STX8: variants seen among roughly 807,000 people sequenced by gnomAD.
STX8 encodes the protein syntaxin 8.
In STX8, 23 loss-of-function variants were observed where a neutral mutation model predicts 37.5. That is an observed-to-expected ratio of 0.61 (90% confidence interval 0.44 to 0.87). The LOEUF is 0.87. STX8 is among the 40% of genes least tolerant of loss of function. STX8 has a pLI of 0.00. For missense variants in STX8, 313 were observed against 284.7 expected, an observed-to-expected ratio of 1.10 and a Z score of -0.71; for synonymous variants, 115 against 99.1, an observed-to-expected ratio of 1.16 and a Z score of -0.95.
intron 7 of STX8, among the ~76,000 whole-genome samples, chr17:9,285,732 T>C (rs543993921): frequency 9.5e-4 from 144 of 152,192 alleles, no homozygotes; most frequent in Non-Finnish European, 1.6e-3. Context: ...TGCCTGAAAA[T>C]TGCAAATGAA....
chr17:9,498,363 C>T (rs1439040660), intron 5 of STX8, among the ~76,000 whole-genome samples: 5 of 149,682 alleles, frequency 3.3e-5, no homozygotes, highest in African/African-American at 1.2e-4. Flanking sequence ...GCACTCCAGC[C>T]TGGGTGACAG....
At chr17:9,350,081 T>C (rs116170276) in intron 7 of STX8, among the ~76,000 whole-genome samples, 121 of 152,310 alleles carry the variant, frequency 7.9e-4, no homozygotes, top group African/African-American at 2.8e-3. Flanking sequence ...CCTGGCAATA[T>C]GTCAGAAGCA....
rs1370589290 is a variant in STX8, at chr17:9,274,744, CTTTTTTCTTT to C, written c.644-24109_644-24100del. ...AAAGTCTTCAAAAATACAACAATTT[CTTTTTTCTTT>C]TTTTTTTTTTTTTTTGAGACGGAGT... On this transcript the variant is annotated intron_variant, in intron 7 of 7. Coordinates refer to ENST00000306357, the MANE Select transcript of STX8 (RefSeq NM_004853.3). Among the ~76,000 whole-genome samples the C allele has an allele frequency of 3.4e-5, 3 of 88,884 alleles. 1 individual carries two copies. Among genetic ancestry groups the C allele is most frequent in the Non-Finnish European group, 6.8e-5 (3 of 44,070 alleles). 58.3% of individuals were successfully genotyped at this position (88,884 alleles called of 152,430 possible). A position where few individuals can be genotyped will look rare whatever the true frequency, so the allele number is the denominator to read the frequency against.
chr17:9,535,409 G>C (rs1241730982), intron 4 of STX8, among the ~76,000 whole-genome samples: 2 of 124,338 alleles, frequency 1.6e-5, no homozygotes, highest in Non-Finnish European at 3.4e-5. Flanking sequence ...CATACCCTCT[G>C]ACCCAGCCAT....
chr17:9,407,530 C>G (rs950129174), intron 6 of STX8, among the ~76,000 whole-genome samples: 12 of 152,144 alleles, frequency 7.9e-5, no homozygotes, highest in Non-Finnish European at 1.5e-4. Context: ...GTGTCACAGC[C>G]CTCAGGAGAT....
intron 7 of STX8, among the ~76,000 whole-genome samples, chr17:9,292,659 T>C (rs1200969997): frequency 6.6e-6 from 1 of 152,250 alleles, no homozygotes; most frequent in African/African-American, 2.4e-5. Context: ...CTTTCTTTAC[T>C]TTGGCATTGA....
chr17:9,326,535 T>C (rs754327792), intron 7 of STX8, among the ~76,000 whole-genome samples: 2 of 152,236 alleles, frequency 1.3e-5, no homozygotes, highest in Non-Finnish European at 2.9e-5. Flanking sequence ...AGATGGTTTC[T>C]GTTGCTCATA....
At chr17:9,338,567 C>T (rs1415263375) in intron 7 of STX8, among the ~76,000 whole-genome samples, 7 of 152,128 alleles carry the variant, frequency 4.6e-5, no homozygotes, top group African/African-American at 1.7e-4. Flanking sequence ...TGTGGATGGA[C>T]CACTCACATG....
chr17:9,429,747 T>C (rs1597665977), intron 6 of STX8, among the ~76,000 whole-genome samples: 1 of 61,540 alleles, frequency 1.6e-5, no homozygotes, highest in East Asian at 2.8e-4. Context: ...ATATATTATA[T>C]ATATTATATT....
At position 9,304,929 on chromosome 17, in the gene STX8, G is replaced by C. The variant is rs12936493; in HGVS notation, c.644-54284C>G. ...CATATATGGGCGAAAAAAAAAATAT[G>C]TATATATATATATATATACAGTCCC... On this transcript the variant is annotated intron_variant, in intron 7 of 7. Transcript: ENST00000306357. 8.2e-3 allele frequency among the ~76,000 whole-genome samples: 791 copies of C among 96,240 alleles called. 7 individuals carry two copies. Among genetic ancestry groups the C allele is most frequent in the Middle Eastern group, 0.01 (2 of 192 alleles). The allele number at this position is 96,240 out of a possible 152,430, so 63.1% of individuals were successfully genotyped here.
At chr17:9,295,254 A>G (rs1456707743) in intron 7 of STX8, among the ~76,000 whole-genome samples, 1 of 152,198 alleles carries the variant, frequency 6.6e-6, no homozygotes, top group East Asian at 1.9e-4. Context: ...AAGGGATCTT[A>G]TCTTAGAACC....
chr17:9,506,243 A>G (rs1230362713), intron 4 of STX8, among the ~76,000 whole-genome samples: 1 of 152,050 alleles, frequency 6.6e-6, no homozygotes, highest in African/African-American at 2.4e-5. Flanking sequence ...GTCCAAGCTG[A>G]GAAGATCATC....
chr17:9,559,762 T>TATA (rs1567610177), intron 2 of STX8, among the ~76,000 whole-genome samples: 1 of 34,768 alleles, frequency 2.9e-5, no homozygotes, highest in African/African-American at 1.2e-4. Flanking sequence ...ATATATATAT[T>TATA]TTTTTTTTTT....
chr17:9,351,722 C>A (rs1167229269), intron 7 of STX8, among the ~76,000 whole-genome samples: 1 of 152,064 alleles, frequency 6.6e-6, no homozygotes, highest in Non-Finnish European at 1.5e-5. Context: ...TATCCTTTTT[C>A]TATCCTTCAT....
chr17:9,466,483 T>A (rs993238336), intron 6 of STX8, among the ~76,000 whole-genome samples: 1 of 152,168 alleles, frequency 6.6e-6, no homozygotes, highest in African/African-American at 2.4e-5. Flanking sequence ...CATTTTTGGC[T>A]CTTGAGAAGG....
chr17:9,396,346 T>G, intron 6 of STX8, among the ~76,000 whole-genome samples: 1 of 120,212 alleles, frequency 8.3e-6, no homozygotes, highest in Non-Finnish European at 1.7e-5. Context: ...GAGTGATAAA[T>G]AGGAGGAAGC....
In STX8 at chr17:9,429,746, ATATAT is replaced by A. The variant is rs1267778658; in HGVS notation, c.542-51098_542-51094del. On this transcript the variant is annotated intron_variant, in intron 6 of 7. Transcript: ENST00000306357. ...TATTTTATATTATATTATATATTATATATATTATATTTTATATATTATATATAACA... is the reference window on the plus strand; with the variant it reads ...TATTTTATATTATATTATATATTATATATATTTTATATATTATATATAACA... Among the ~76,000 whole-genome samples, 41 of 65,936 alleles carry A rather than the reference ATATAT, an allele frequency of 6.2e-4. 1 individual carries two copies. The highest frequency in any genetic ancestry group is 3.5e-3 in the African/African-American group (37 of 10,506). 43.3% of individuals were successfully genotyped at this position (65,936 alleles called of 152,430 possible).
At chr17:9,555,027 G>GAATTATTTGAAAA (rs2151914724) in intron 3 of STX8, 1 of 151,912 alleles carries the variant, frequency 6.6e-6, no homozygotes, top group Non-Finnish European at 1.5e-5. Flanking sequence ...AGTAGAAATA[G>GAATTATTTGAAAA]ATCAATTATT....
intron 7 of STX8, among the ~76,000 whole-genome samples, chr17:9,281,302 C>T (rs72814149): frequency 0.19 from 28,614 of 151,984 alleles, 3,024 homozygotes; most frequent in Middle Eastern, 0.29. Flanking sequence ...AAACTGGCAT[C>T]GGACGAGATG....
Sources: gnomAD v4.1 joint callset for allele counts (sites outside exome capture counted in the v4.1 genomes callset) on GRCh38, gnomAD v4.1.1 for gene constraint, MANE v1.5 for transcripts, NCBI Gene and HGNC (gene_info 2026-07-23, HGNC 2026-07-21) for gene names.